Variants in PARD3B observed in about 807,000 individuals in gnomAD.
PARD3B encodes the protein par-3 family cell polarity regulator beta, also known as partitioning defective 3 homolog B.
A neutral mutation model predicts 130.2 loss-of-function variants in PARD3B; 103 were observed. The ratio of observed to expected loss-of-function variants is 0.79; its 90% CI spans 0.67 to 0.93. PARD3B has a LOEUF of 0.93. Ranked by LOEUF, PARD3B falls within the 40% of genes least tolerant of loss-of-function variation. PARD3B has a pLI of 0.00. For synonymous variants in PARD3B, 583 were observed against 553.2 expected (o/e 1.05, Z -0.76); for missense variants, 1,609 against 1,499.2 (o/e 1.07, Z -1.21).
chr2:205,469,724 G>T (rs371694724), intron 20 of PARD3B, among the ~76,000 whole-genome samples: 1 of 152,108 alleles, frequency 6.6e-6, no homozygotes, highest in African/African-American at 2.4e-5. Context: ...CATTTCTACT[G>T]TTACATCCCA....
At chr2:205,285,876 T>C (rs1254107298) in intron 16 of PARD3B, among the ~76,000 whole-genome samples, 1 of 152,182 alleles carries the variant, frequency 6.6e-6, no homozygotes, top group African/African-American at 2.4e-5. Flanking sequence ...CCATATTGTC[T>C]TTTGATGAGC....
intron 2 of PARD3B, among the ~76,000 whole-genome samples, chr2:204,785,613 T>G (rs1240503680): frequency 6.6e-6 from 1 of 152,180 alleles, no homozygotes; most frequent in Non-Finnish European, 1.5e-5. Context: ...TGTGTATTGG[T>G]CTCTAGTCCC....
chr2:205,149,292 G>A (rs2033585266), intron 10 of PARD3B, among the ~76,000 whole-genome samples: 1 of 152,038 alleles, frequency 6.6e-6, no homozygotes, highest in Non-Finnish European at 1.5e-5. Context: ...TGGCCAGGCT[G>A]GTCTCAAACT....
At chr2:204,722,360 A>T (rs1038212708) in intron 2 of PARD3B, among the ~76,000 whole-genome samples, 3 of 152,174 alleles carry the variant, frequency 2.0e-5, no homozygotes, top group Non-Finnish European at 4.4e-5. Flanking sequence ...GGACTAGTTT[A>T]TCTCATCATA....
chr2:204,790,788 G>A (rs539815481), intron 2 of PARD3B, among the ~76,000 whole-genome samples: 1 of 152,074 alleles, frequency 6.6e-6, no homozygotes, highest in Non-Finnish European at 1.5e-5. Flanking sequence ...AACACTGTCC[G>A]CTTATTATTT....
intron 2 of PARD3B, among the ~76,000 whole-genome samples, chr2:204,713,056 G>A (rs10196457): frequency 0.32 from 48,497 of 151,888 alleles, 10,972 homozygotes; most frequent in African/African-American, 0.65. Flanking sequence ...TGTTTCTAAT[G>A]TGACTGTATT....
rs2035005700 is a variant in PARD3B at position 205,169,173 on chromosome 2, T to C, written c.1621-3038T>C. Reference sequence around the variant, plus strand: ...ATGAAATTACACATCATTTATCTTATAAAGAAAAAGCACACACCAATAACA... The same window carrying C: ...ATGAAATTACACATCATTTATCTTACAAAGAAAAAGCACACACCAATAACA... On this transcript the variant is annotated intron_variant, in intron 11 of 22. Coordinates refer to ENST00000406610, the MANE Select transcript of PARD3B (RefSeq NM_001302769.2). Among the ~76,000 whole-genome samples, 3 of 152,276 alleles carry C rather than the reference T, an allele frequency of 2.0e-5. No homozygotes were observed. The East Asian group carries it at 5.8e-4, about 29-fold the overall frequency.
At chr2:204,644,248 A>T (rs1373722590) in intron 1 of PARD3B, among the ~76,000 whole-genome samples, 5 of 152,136 alleles carry the variant, frequency 3.3e-5, no homozygotes, top group African/African-American at 7.2e-5. Context: ...ATTTCTCTAC[A>T]TAGGGACTGA....
Position 205,269,042 on chromosome 2 carries a change from T to C in PARD3B, c.2185+23220T>C, listed in dbSNP as rs560785648. On this transcript the variant is annotated intron_variant, in intron 16 of 22. Transcript: ENST00000406610. The surrounding 1 kb of genome is among the most constrained non-coding windows in gnomAD (Gnocchi z 4.7). ...AATAGGTATTATTCCATTTTGTAGA[T>C]GAGAAAATTGAGGTTTTGAGGCAAA... Among the ~76,000 whole-genome samples the C allele has an allele frequency of 4.1e-4, 62 of 152,274 alleles. 1 individual carries two copies. In the South Asian group the frequency reaches 6.2e-3, roughly 15 times the overall value.
chr2:204,572,012 G>A (rs974993145), intron 1 of PARD3B, among the ~76,000 whole-genome samples: 10 of 152,110 alleles, frequency 6.6e-5, no homozygotes, highest in Middle Eastern at 3.2e-3. Context: ...ATACTGAAAG[G>A]AAATATCATT....
chr2:204,818,290 A>G (rs988469136), intron 2 of PARD3B, among the ~76,000 whole-genome samples: 15 of 152,192 alleles, frequency 9.9e-5, no homozygotes, highest in Non-Finnish European at 2.2e-4. Flanking sequence ...TCACAGGAGT[A>G]AGTAGAAATG....
intron 6 of PARD3B, among the ~76,000 whole-genome samples, chr2:205,114,515 G>A (rs979933331): frequency 6.6e-6 from 1 of 152,024 alleles, no homozygotes; most frequent in South Asian, 2.1e-4. Context: ...TCAAAGACGA[G>A]ACAAGTCAAT....
At chr2:205,152,503 T>C (rs2033827608) in intron 10 of PARD3B, among the ~76,000 whole-genome samples, 1 of 152,232 alleles carries the variant, frequency 6.6e-6, no homozygotes, top group Non-Finnish European at 1.5e-5. Context: ...TTTCATTCAT[T>C]TGATCTTCAA....
chr2:205,485,312 T>A (rs2049395625), intron 20 of PARD3B, among the ~76,000 whole-genome samples: 1 of 152,198 alleles, frequency 6.6e-6, no homozygotes, highest in Non-Finnish European at 1.5e-5. Context: ...AAACAAGAGC[T>A]CTGGTTATGG....
chr2:204,643,101 G>A (rs1162224039), intron 1 of PARD3B, among the ~76,000 whole-genome samples: 3 of 20,660 alleles, frequency 1.5e-4, no homozygotes, highest in Non-Finnish European at 3.3e-4. Flanking sequence ...GCGACAGAGG[G>A]AGACTCTGTC....
chr2:205,154,515 A>G lies in PARD3B; in HGVS notation c.1435-4207A>G, dbSNP rs553224475. Among the ~76,000 whole-genome samples, 54 of 152,348 alleles carry G rather than the reference A, an allele frequency of 3.5e-4. 1 individual carries two copies. Among genetic ancestry groups the G allele is most frequent in the African/African-American group, 1.3e-3 (52 of 41,582 alleles). ...ATTCCTCAAGGATCTAGAACTAGAA[A>G]TACTATTTGACCCATCAATCCCATT... On this transcript the variant is annotated intron_variant, in intron 10 of 22. Coordinates refer to ENST00000406610, the MANE Select transcript of PARD3B (RefSeq NM_001302769.2).
chr2:205,354,026 CTTTTTTTTT>C (rs869308018), intron 18 of PARD3B, among the ~76,000 whole-genome samples: 28 of 50,354 alleles, frequency 5.6e-4, no homozygotes, highest in East Asian at 2.4e-3. Flanking sequence ...TTTTCTTTTC[CTTTTTTTTT>C]TTTTTTTTTT....
At position 205,463,423 on chromosome 2, in the gene PARD3B, T is replaced by C. The variant is rs2048517284; in HGVS notation, c.3044+22751T>C. Among the ~76,000 whole-genome samples the C allele has an allele frequency of 6.9e-6, 1 of 145,416 alleles. No individual in the cohort carries two copies. Among genetic ancestry groups the C allele is most frequent in the Non-Finnish European group, 1.5e-5 (1 of 67,306 alleles). On this transcript the variant is annotated intron_variant, in intron 20 of 22. Transcript: ENST00000406610. The surrounding 1 kb of genome is among the most constrained non-coding windows in gnomAD (Gnocchi z 4.8). ...AATGATGTTAGTGTTAACATTTCAC[T>C]GCACATTAATTCTTTAAAAAAAAAA...
chr2:205,459,812 G>A (rs1464427676), intron 20 of PARD3B, among the ~76,000 whole-genome samples: 1 of 152,144 alleles, frequency 6.6e-6, no homozygotes, highest in Non-Finnish European at 1.5e-5. Context: ...ATGTCTCAGT[G>A]TTCACCACAG....
Sources: allele counts gnomAD v4.1 joint callset (sites outside exome capture counted in the v4.1 genomes callset), GRCh38; gene constraint gnomAD v4.1.1; non-coding constraint Gnocchi (gnomAD v3.1); transcripts MANE v1.5; gene names NCBI Gene and HGNC (gene_info 2026-07-23, HGNC 2026-07-21).